MYO6: variants seen among roughly 807,000 people sequenced by gnomAD.
The protein encoded by MYO6 is myosin VI.
A neutral mutation model predicts 178.7 loss-of-function variants in MYO6; 74 were observed. That is an observed-to-expected ratio of 0.41 (90% CI 0.34 to 0.50). The LOEUF (loss-of-function observed/expected upper bound fraction) is 0.50, where lower values mean the gene tolerates loss of function less well. MYO6 is among the 20% of genes least tolerant of loss of function. The probability of loss-of-function intolerance (pLI) is 0.09; values close to 1 mark genes in which losing one functional copy is unlikely to be tolerated. For missense variants in MYO6, 1,330 were observed against 1,547.4 expected, an observed-to-expected ratio of 0.86 and a Z score of 2.36; for synonymous variants, 477 against 504.6, an observed-to-expected ratio of 0.95 and a Z score of 0.73.
At chr6:75,842,230 A>G (rs945678850) in intron 9 of MYO6, among the ~76,000 whole-genome samples, 1 of 152,062 alleles carries the variant, frequency 6.6e-6, no homozygotes, top group African/African-American at 2.4e-5. Flanking sequence ...ACACCTGAGC[A>G]TTACAAGCGA....
intron 23 of MYO6, among the ~76,000 whole-genome samples, chr6:75,882,777 C>T (rs956362703): frequency 2.0e-5 from 3 of 151,916 alleles, no homozygotes; most frequent in Non-Finnish European, 4.4e-5. Flanking sequence ...CATATACTAA[C>T]AATAGTTGCA....
At chr6:75,765,145 A>G (rs1245424357) in intron 1 of MYO6, among the ~76,000 whole-genome samples, 2 of 147,472 alleles carry the variant, frequency 1.4e-5, no homozygotes, top group Non-Finnish European at 3.0e-5. Context: ...AATTTCACAT[A>G]TAAGGCTATG....
chr6:75,825,745 C>T (rs756849757), intron 3 of MYO6, among the ~76,000 whole-genome samples: 2 of 152,008 alleles, frequency 1.3e-5, no homozygotes, highest in African/African-American at 2.4e-5. Flanking sequence ...TTTAGTGAGC[C>T]AGAGCTGTAA....
intron 1 of MYO6, among the ~76,000 whole-genome samples, chr6:75,768,716 G>T (rs917774158): frequency 6.6e-6 from 1 of 152,100 alleles, no homozygotes; most frequent in Non-Finnish European, 1.5e-5. Flanking sequence ...GGGATAGTGA[G>T]TTTGGGAATA....
intron 20 of MYO6, among the ~76,000 whole-genome samples, chr6:75,877,937 AGATGCATACATT>A (rs1431462904): frequency 1.3e-5 from 2 of 152,212 alleles, no homozygotes; most frequent in African/African-American, 4.8e-5. Flanking sequence ...CAGGAGACTT[AGATGCATACATT>A]TCCAAAGGTA....
chr6:75,896,594 A>T (rs1447811965), intron 29 of MYO6, among the ~76,000 whole-genome samples: 2 of 152,220 alleles, frequency 1.3e-5, no homozygotes, highest in African/African-American at 4.8e-5. Context: ...TACATGTATA[A>T]CTTTGTTTAC....
chr6:75,798,820 T>C (rs1403573573), intron 1 of MYO6, among the ~76,000 whole-genome samples: 1 of 152,214 alleles, frequency 6.6e-6, no homozygotes, highest in Non-Finnish European at 1.5e-5. Flanking sequence ...TCAAACTGTC[T>C]ATCTTTGCTG....
intron 20 of MYO6, among the ~76,000 whole-genome samples, chr6:75,879,437 T>G (rs1198241444): frequency 7.6e-6 from 1 of 132,044 alleles, no homozygotes; most frequent in Admixed American, 7.6e-5. Context: ...TTTTTTTTTT[T>G]GTAGAGATGG....
chr6:75,897,892 A>C (rs556196058), intron 29 of MYO6, among the ~76,000 whole-genome samples: 1 of 152,330 alleles, frequency 6.6e-6, no homozygotes, highest in African/African-American at 2.4e-5. Context: ...TTGATTTGGA[A>C]TTTTTAGAGC....
intron 30 of MYO6, among the ~76,000 whole-genome samples, chr6:75,904,703 C>T (rs1211572189): frequency 2.0e-5 from 3 of 152,144 alleles, no homozygotes; most frequent in East Asian, 1.9e-4. Context: ...GTAATTTGGT[C>T]GTCTGAAGCC....
chr6:75,782,226 A>G (rs6911148), intron 1 of MYO6, among the ~76,000 whole-genome samples: 3,565 of 152,228 alleles, frequency 0.023, 50 homozygotes, highest in Non-Finnish European at 0.034. Flanking sequence ...CCAAAATGCA[A>G]TTACTGTACA....
In MYO6 at chr6:75,913,974, T is replaced by TA. The variant is rs935644887; in HGVS notation, c.3440-83dup. On this transcript the variant is annotated intron_variant, in intron 33 of 34. Coordinates refer to ENST00000369977, the MANE Select transcript of MYO6 (RefSeq NM_004999.4). ...TACTATTAGGGACCTTTCTTCTTTT[T>TA]AAAAAATTATTGGGGTATATTTTAG... 6.0e-6 allele frequency: 7 copies of TA among 1,170,644 alleles called. No homozygotes were observed. The Admixed American group carries it at 1.6e-4, about 27-fold the overall frequency. 72.5% of individuals were successfully genotyped at this position (1,170,644 alleles called of 1,614,324 possible). A position where few individuals can be genotyped will look rare whatever the true frequency, so the allele number is the denominator to read the frequency against.
rs576032795 is a variant in MYO6 at position 75,806,557 on chromosome 6, A to T, written c.-47-10944A>T. 6.6e-5 allele frequency among the ~76,000 whole-genome samples: 10 copies of T among 152,354 alleles called. No homozygotes were observed. In the South Asian group the frequency reaches 2.1e-3, roughly 32 times the overall value. ...AACTGGCCATAAACAAAATCTCTGC[A>T]GCACTGTGACATGTTCATGATGGCC... is the stretch of plus-strand genomic sequence containing the variant. On this transcript the variant is annotated intron_variant, in intron 1 of 34. Coordinates refer to ENST00000369977, the MANE Select transcript of MYO6 (RefSeq NM_004999.4).
intron 5 of MYO6, among the ~76,000 whole-genome samples, chr6:75,831,537 A>G (rs939362114): frequency 6.6e-6 from 1 of 152,238 alleles, no homozygotes; most frequent in African/African-American, 2.4e-5. Flanking sequence ...CATGTTTAAA[A>G]TGTAAATAAA....
intron 1 of MYO6, among the ~76,000 whole-genome samples, chr6:75,754,321 A>G (rs1013898233): frequency 6.6e-6 from 1 of 152,040 alleles, no homozygotes; most frequent in African/African-American, 2.4e-5. Flanking sequence ...AGGAGTTCAG[A>G]CCAGCCTGGG....
intron 20 of MYO6, among the ~76,000 whole-genome samples, chr6:75,879,189 G>A (rs899899838): frequency 6.6e-5 from 10 of 152,080 alleles, no homozygotes; most frequent in Admixed American, 2.6e-4. Flanking sequence ...CTGTGTTTGT[G>A]ACACAGAGTC....
intron 17 of MYO6, 76 bp downstream of exon 17, chr6:75,866,697 G>A (rs1016463815): frequency 1.2e-5 from 16 of 1,301,740 alleles, no homozygotes; most frequent in African/African-American, 5.8e-5. Context: ...TTCTAGTCAC[G>A]TGGTTATTAA....
intron 1 of MYO6, among the ~76,000 whole-genome samples, chr6:75,757,541 A>G (rs1162789435): frequency 6.6e-6 from 1 of 151,476 alleles, no homozygotes; most frequent in Non-Finnish European, 1.5e-5. Context: ...TGGGGTTGGA[A>G]GGAGATGGGA....
chr6:75,905,954 T>G (rs1288670146), intron 30 of MYO6, among the ~76,000 whole-genome samples: 1 of 152,246 alleles, frequency 6.6e-6, no homozygotes, highest in Non-Finnish European at 1.5e-5. Context: ...AGTGACATAT[T>G]CTCAGACATC....
Sources: gnomAD v4.1 joint callset for allele counts (sites outside exome capture counted in the v4.1 genomes callset) on GRCh38, gnomAD v4.1.1 for gene constraint, MANE v1.5 for transcripts, NCBI Gene and HGNC (gene_info 2026-07-23, HGNC 2026-07-21) for gene names.